The following CDK13 variants were observed in gnomAD, a reference collection of about 807,000 sequenced individuals.
CDK13 encodes the protein cyclin-dependent kinase 13.
CDK13 carries 40 observed loss-of-function variants against 137.6 expected under a neutral mutation model. The ratio of observed to expected loss-of-function variants is 0.29; its 90% CI spans 0.23 to 0.38. CDK13 has a LOEUF of 0.38. Ranked by LOEUF, CDK13 falls within the 10% of genes least tolerant of loss-of-function variation. CDK13 has a pLI of 1.00. For missense variants in CDK13, 1,704 were observed against 1,951.8 expected, an observed-to-expected ratio of 0.87 and a Z score of 2.39; for synonymous variants, 869 against 760.1, an observed-to-expected ratio of 1.14 and a Z score of -2.36.
chr7:40,078,875 TTATTATA>T, intron 11 of CDK13, 24 bp downstream of exon 11: 2 of 878,980 alleles, frequency 2.3e-6, no homozygotes, highest in Non-Finnish European at 3.0e-6. Context: ...TATCCTATTA[TTATTATA>T]TATTATTATT....
Position 39,987,658 on chromosome 7 carries a change from G to A in CDK13, c.1271G>A (p.Ser424Asn), listed in dbSNP as rs750818885. Reference protein sequence around the residue: ...PYSSRHSRSRSRHRLSRSRSR... With the variant: ...PYSSRHSRSRNRHRLSRSRSR... ...TCATCTAGGCATTCAAGATCTCGTA[G>A]CAGGCACAGATTGTCTAGATCCAGA... The change falls in exon 2 of 14, where the codon AGC becomes AAC. Residue 424 changes from serine (S) to asparagine (N), a missense_variant. Physicochemically the swap from Ser to Asn is conservative, Grantham distance 46 (BLOSUM62 1). Around this residue, in one of 5 missense-constraint regions of CDK13, gnomAD observed 1,051 missense variants for 931.0 expected, o/e 1.13. Coordinates refer to ENST00000181839, the MANE Select transcript of CDK13 (RefSeq NM_003718.5). 6.2e-7 allele frequency: 1 copy of A among 1,612,886 alleles called. No individual in the cohort carries two copies.
At chr7:39,966,563 T>G (rs1464786302) in intron 1 of CDK13, among the ~76,000 whole-genome samples, 1 of 152,170 alleles carries the variant, frequency 6.6e-6, no homozygotes, top group Non-Finnish European at 1.5e-5. Flanking sequence ...AATTTCCTCC[T>G]TTAGCTCGGA....
intron 1 of CDK13, 58 bp downstream of exon 1, chr7:39,951,910 G>A (rs567276409): frequency 2.3e-6 from 3 of 1,316,344 alleles, no homozygotes; most frequent in Non-Finnish European, 2.9e-6. Context: ...ATCCCCAGGA[G>A]GAAGGGAAAG....
chr7:39,962,270 T>G lies in CDK13; in HGVS notation c.1211+10418T>G, dbSNP rs565930303. Among the ~76,000 whole-genome samples, 351 of 152,354 alleles carry G rather than the reference T, an allele frequency of 2.3e-3. 4 individuals are homozygous for G. Among genetic ancestry groups the G allele is most frequent in the African/African-American group, 8.2e-3 (340 of 41,580 alleles). Reference sequence around the variant, plus strand: ...TCCACCAACAGTGTAAAAGTGTTCCTATTTCTCCACATCCTCTCCAGCACC... The same window carrying G: ...TCCACCAACAGTGTAAAAGTGTTCCGATTTCTCCACATCCTCTCCAGCACC... On this transcript the variant is annotated intron_variant, in intron 1 of 13. Coordinates refer to ENST00000181839, the MANE Select transcript of CDK13 (RefSeq NM_003718.5).
At chr7:39,953,614 T>C (rs907031779) in intron 1 of CDK13, among the ~76,000 whole-genome samples, 8 of 152,240 alleles carry the variant, frequency 5.3e-5, no homozygotes, top group African/African-American at 1.4e-4. Flanking sequence ...TTGTATGCCA[T>C]ATACTGTTTT....
intron 1 of CDK13, among the ~76,000 whole-genome samples, chr7:39,956,968 A>G (rs1583903416): frequency 1.3e-5 from 2 of 152,196 alleles, no homozygotes; most frequent in Middle Eastern, 6.8e-3. Context: ...TTTCAAAGAC[A>G]TTTTTATTTC....
chr7:40,051,285 A>C (rs1490779843), intron 7 of CDK13, among the ~76,000 whole-genome samples: 1 of 151,718 alleles, frequency 6.6e-6, no homozygotes, highest in Non-Finnish European at 1.5e-5. Flanking sequence ...TAAGAGAATA[A>C]TTCTGATTTC....
At chr7:40,032,804 T>G (rs1785408423) in intron 5 of CDK13, among the ~76,000 whole-genome samples, 1 of 152,156 alleles carries the variant, frequency 6.6e-6, no homozygotes, top group Non-Finnish European at 1.5e-5. Context: ...AGCTTTATGG[T>G]CAGTCTTAAA....
At chr7:39,963,817 T>C (rs955350244) in intron 1 of CDK13, among the ~76,000 whole-genome samples, 2 of 151,270 alleles carry the variant, frequency 1.3e-5, no homozygotes, top group Non-Finnish European at 3.0e-5. Flanking sequence ...TTATTGAGAG[T>C]TTTTAGCATG....
intron 5 of CDK13, among the ~76,000 whole-genome samples, chr7:40,016,327 CAT>C (rs1274713571): frequency 6.6e-6 from 1 of 152,132 alleles, no homozygotes; most frequent in East Asian, 1.9e-4. Flanking sequence ...ACAAGAAGAT[CAT>C]TATACTTTTT....
intron 2 of CDK13, among the ~76,000 whole-genome samples, chr7:39,996,981 A>AAAAAAAAAAAAAG (rs1562719366): frequency 1.3e-5 from 2 of 150,456 alleles, no homozygotes; most frequent in African/African-American, 5.0e-5. Flanking sequence ...AAAAAAGAAA[A>AAAAAAAAAAAAAG]AAAAAAAGAA....
At chr7:39,969,001 G>GT (rs1196109822) in intron 1 of CDK13, among the ~76,000 whole-genome samples, 2 of 151,920 alleles carry the variant, frequency 1.3e-5, no homozygotes, top group African/African-American at 2.4e-5. Flanking sequence ...GTTCAGGTGG[G>GT]TTTTTTTGTT....
intron 5 of CDK13, among the ~76,000 whole-genome samples, chr7:40,016,880 T>C (rs1785015862): frequency 6.6e-6 from 1 of 152,126 alleles, no homozygotes; most frequent in Admixed American, 6.5e-5. Context: ...AAAATTATAT[T>C]TGGTTTAGTT....
At chr7:40,077,608 A>C (rs761782500) in intron 9 of CDK13, among the ~76,000 whole-genome samples, 62 of 152,164 alleles carry the variant, frequency 4.1e-4, no homozygotes, top group Admixed American at 5.2e-4. Context: ...TAATTCCAGC[A>C]CTTTGGGAGG....
chr7:39,991,484 A>AGTGTGTGTGTGTGTGTGT (rs66520870), intron 2 of CDK13, among the ~76,000 whole-genome samples: 2 of 143,670 alleles, frequency 1.4e-5, no homozygotes, highest in Non-Finnish European at 3.1e-5. Flanking sequence ...CATTAGCAAA[A>AGTGTGTGTGTGTGTGTGT]GTGTGTGTGT....
intron 5 of CDK13, among the ~76,000 whole-genome samples, chr7:40,012,911 C>CA (rs61228761): frequency 2.2e-3 from 267 of 120,572 alleles, no homozygotes; most frequent in Middle Eastern, 4.2e-3. Flanking sequence ...GACTCTGTGT[C>CA]AAAAAAAAAA....
intron 12 of CDK13, among the ~76,000 whole-genome samples, chr7:40,089,723 A>AGT (rs142023627): frequency 0.055 from 6,884 of 125,050 alleles, 178 homozygotes; most frequent in Non-Finnish European, 0.067. Context: ...AGAGAGAGAG[A>AGT]GTGTGTGTGT....
At chr7:39,953,574 C>T (rs1787307906) in intron 1 of CDK13, among the ~76,000 whole-genome samples, 1 of 152,016 alleles carries the variant, frequency 6.6e-6, no homozygotes, top group African/African-American at 2.4e-5. Context: ...TAGGACTATT[C>T]ATATTTAGCA....
chr7:39,966,270 T>G (rs1325772141), intron 1 of CDK13, among the ~76,000 whole-genome samples: 1 of 152,178 alleles, frequency 6.6e-6, no homozygotes, highest in Non-Finnish European at 1.5e-5. Context: ...AGATGTAGAT[T>G]TGGTGTTTTC....
Sources: allele counts gnomAD v4.1 joint callset (sites outside exome capture counted in the v4.1 genomes callset), GRCh38; gene constraint gnomAD v4.1.1; regional missense constraint gnomAD v4.1.1; transcripts MANE v1.5; gene names NCBI Gene and HGNC (gene_info 2026-07-23, HGNC 2026-07-21).